The following LTA4H variants were observed in gnomAD, a reference collection of about 807,000 sequenced individuals.
LTA4H encodes the protein leukotriene A4 hydrolase.
Under a neutral mutation model 89.8 loss-of-function variants are expected in LTA4H, and 59 were observed. The ratio of observed to expected loss-of-function variants is 0.66; its 90% CI spans 0.53 to 0.82. LTA4H has a LOEUF of 0.82. LTA4H is among the 40% of genes least tolerant of loss of function. LTA4H has a pLI of 0.00. For synonymous variants in LTA4H, 227 were observed against 253.1 expected, an observed-to-expected ratio of 0.90 and a Z score of 0.98; for missense variants, 617 against 727.0, an observed-to-expected ratio of 0.85 and a Z score of 1.74.
At chr12:96,002,766 T>C (rs1242953209) in intron 18 of LTA4H, among the ~76,000 whole-genome samples, 194 bp downstream of exon 18, 1 of 152,226 alleles carries the variant, frequency 6.6e-6, no homozygotes, top group Non-Finnish European at 1.5e-5. Flanking sequence ...GTAATCCATA[T>C]ATAATGCTTC....
At chr12:96,002,838 A>T in intron 18 of LTA4H, 122 bp downstream of exon 18, 1 of 673,484 alleles carries the variant, frequency 1.5e-6, no homozygotes, top group South Asian at 2.1e-5. Flanking sequence ...CCCTATTCCA[A>T]AATTATACTG....
intron 1 of LTA4H, among the ~76,000 whole-genome samples, chr12:96,033,068 G>A (rs537101048): frequency 1.3e-5 from 2 of 152,248 alleles, no homozygotes; most frequent in East Asian, 3.9e-4. Context: ...GTTTACCTAT[G>A]TAACAAACCT....
chr12:96,006,300 G>A lies in LTA4H; in HGVS notation c.1530+14C>T. 6.5e-7 allele frequency: 1 copy of A among 1,536,338 alleles called. No individual in the cohort carries two copies. Among genetic ancestry groups the A allele is most frequent in the African/African-American group, 1.4e-5 (1 of 73,246 alleles). ...TGTCCATTTTAATTTCTAAGATTTT[G>A]AGCTAGTACTTACCCTCTGGAGCGT... On this transcript the variant is annotated intron_variant, in intron 16 of 18. Coordinates refer to ENST00000228740, the MANE Select transcript of LTA4H (RefSeq NM_000895.3).
At chr12:96,026,284 G>A (rs1044563811) in intron 3 of LTA4H, among the ~76,000 whole-genome samples, 2 of 152,136 alleles carry the variant, frequency 1.3e-5, no homozygotes, top group African/African-American at 4.8e-5. Context: ...CAGAACAACC[G>A]TAAGCAAATT....
rs1950466687 is a variant in LTA4H at position 96,022,575 on chromosome 12, G to A, written c.481-324C>T. On this transcript the variant is annotated intron_variant, in intron 4 of 18. Coordinates refer to ENST00000228740, the MANE Select transcript of LTA4H (RefSeq NM_000895.3). This position sits in a 1 kb window ranked among gnomAD's most constrained non-coding sequence, Gnocchi z 4.0. ...GAAACTGGCTTCTTTAAAAGTGAAT[G>A]TGAAATTTCTATCCATTCACCCATG... 6.6e-6 allele frequency among the ~76,000 whole-genome samples: 1 copy of A among 152,126 alleles called. No homozygotes were observed. Among genetic ancestry groups the A allele is most frequent in the Non-Finnish European group, 1.5e-5 (1 of 68,042 alleles).
intron 1 of LTA4H, among the ~76,000 whole-genome samples, chr12:96,041,219 T>A (rs1461183369): frequency 6.6e-6 from 1 of 152,188 alleles, no homozygotes; most frequent in Non-Finnish European, 1.5e-5. Context: ...TGAAATTATA[T>A]TAAAATGAAA....
At position 96,027,569 on chromosome 12, in the gene LTA4H, A is replaced by G. The variant is rs1450260355; in HGVS notation, c.291-5T>C. On this transcript the variant is annotated splice_polypyrimidine_tract_variant and splice_region_variant and intron_variant, in intron 2 of 18. Coordinates refer to ENST00000228740, the MANE Select transcript of LTA4H (RefSeq NM_000895.3). ...TCTATAACAATTTCTTGATTTCTGT[A>G]TGAAACACATAAATATATTAGTAGA... 6.5e-7 allele frequency: 1 copy of G among 1,542,158 alleles called. No homozygotes were observed. The highest frequency in any genetic ancestry group is 8.9e-7 in the Non-Finnish European group (1 of 1,120,704).
At chr12:96,007,702 T>A (rs1050551791) in intron 15 of LTA4H, among the ~76,000 whole-genome samples, 1 of 152,238 alleles carries the variant, frequency 6.6e-6, no homozygotes, top group South Asian at 2.1e-4. Context: ...ATTATCCACC[T>A]TAACTGCTGG....
chr12:96,035,620 G>A (rs1172433797), upstream of LTA4H: 5 of 1,456,382 alleles, frequency 3.4e-6, no homozygotes, highest in East Asian at 5.1e-5. Flanking sequence ...GTAAAGAAGA[G>A]GAGGAGGGAT....
intron 8 of LTA4H, 27 bp downstream of exon 8, chr12:96,018,736 T>A: frequency 6.6e-7 from 1 of 1,503,914 alleles, no homozygotes; most frequent in East Asian, 2.3e-5. Context: ...AAACGTCAAT[T>A]TCAAATGAAG....
chr12:96,001,207 G>T, intron 18 of LTA4H, 101 bp from the exon 19 acceptor site: 1 of 731,072 alleles, frequency 1.4e-6, no homozygotes, highest in East Asian at 2.5e-5. Flanking sequence ...GGGTTCAGAG[G>T]AAAGGAAAAA....
In LTA4H at chr12:96,015,667, C is replaced by T; in HGVS notation, c.975G>A (p.Leu325=). 6.2e-7 allele frequency: 1 copy of T among 1,612,712 alleles called. No individual in the cohort carries two copies. The highest frequency in any genetic ancestry group is 2.2e-5 in the East Asian group (1 of 44,868). The part of the protein sequence containing the change: ...FWLNEGHTVY[L]ERHICGRLFG... Reference sequence around the variant, plus strand: ...ACAATCGTCCGCAAATGTGGCGTTCCAAGTACACAGTATGTCCCTCATTTA... The same window carrying T: ...ACAATCGTCCGCAAATGTGGCGTTCTAAGTACACAGTATGTCCCTCATTTA... The change falls in exon 11 of 19, where the codon TTG becomes TTA. Residue 325 remains leucine, a synonymous_variant. Coordinates refer to ENST00000228740, the MANE Select transcript of LTA4H (RefSeq NM_000895.3).
At chr12:96,035,754 T>A (rs1030139723), upstream of LTA4H, 1 of 1,041,230 alleles carries the variant, frequency 9.6e-7, no homozygotes, top group Non-Finnish European at 1.3e-6. Context: ...GGAGCGTGTG[T>A]GTTAGGGATG....
upstream of LTA4H, chr12:96,035,772 G>A (rs975516224): frequency 1.3e-6 from 1 of 764,236 alleles, no homozygotes; most frequent in Non-Finnish European, 1.8e-6. Flanking sequence ...ATGTTGAGGG[G>A]GACCAAGCGT....
intron 17 of LTA4H, 98 bp downstream of exon 17, chr12:96,003,740 G>A: frequency 1.5e-6 from 1 of 672,316 alleles, no homozygotes; most frequent in Non-Finnish European, 2.5e-6. Context: ...GAATTCTCAA[G>A]ACTCAAGTAT....
At chr12:96,002,541 T>A (rs1950120797) in intron 18 of LTA4H, among the ~76,000 whole-genome samples, 1 of 152,188 alleles carries the variant, frequency 6.6e-6, no homozygotes, top group South Asian at 2.1e-4. Flanking sequence ...CTTTATTATG[T>A]CAAGCAACCT....
chr12:96,035,559 A>G lies in LTA4H; in HGVS notation c.-40T>C. 6.4e-7 allele frequency: 1 copy of G among 1,556,580 alleles called. No homozygotes were observed. The highest frequency in any genetic ancestry group is 8.7e-7 in the Non-Finnish European group (1 of 1,144,786). On this transcript the variant is annotated 5_prime_UTR_variant, in exon 1 of 19. Transcript: ENST00000228740. ...ACACAGCACAGCGACCTACAGCCCA[A>G]CGCTCAGCTACCAGACTCGTCGATA...
chr12:96,015,111 A>C, intron 11 of LTA4H, 112 bp from the exon 12 acceptor site: 2 of 935,612 alleles, frequency 2.1e-6, no homozygotes, highest in Non-Finnish European at 3.2e-6. Context: ...AGGGGAATCT[A>C]AAACTTGGAG....
intron 1 of LTA4H, among the ~76,000 whole-genome samples, chr12:96,030,832 G>A (rs1374501859): frequency 1.3e-5 from 2 of 152,128 alleles, no homozygotes; most frequent in East Asian, 1.9e-4. Context: ...TAAATTAGTA[G>A]AAGATACGGT....
Sources: gnomAD v4.1 joint callset for allele counts (sites outside exome capture counted in the v4.1 genomes callset) on GRCh38, gnomAD v4.1.1 for gene constraint, Gnocchi (gnomAD v3.1) non-coding constraint, MANE v1.5 for transcripts, NCBI Gene and HGNC (gene_info 2026-07-23, HGNC 2026-07-21) for gene names.